Variants in ASPG observed in about 807,000 individuals in gnomAD.
ASPG encodes the protein asparaginase, also known as 60 kDa lysophospholipase.
Under a neutral mutation model 63.2 loss-of-function variants are expected in ASPG, and 53 were observed. The ratio of observed to expected loss-of-function variants is 0.84; its 90% CI spans 0.67 to 1.05. The LOEUF (loss-of-function observed/expected upper bound fraction) is 1.05, where lower values mean the gene tolerates loss of function less well. ASPG is among the 50% of genes least tolerant of loss of function. ASPG has a pLI of 0.00. For missense variants in ASPG, 741 were observed against 794.4 expected (o/e 0.93, Z 0.81); for synonymous variants, 370 against 355.0 (o/e 1.04, Z -0.48).
chr14:104,095,734 C>G, intron 4 of ASPG, 78 bp downstream of exon 4: 1 of 1,575,488 alleles, frequency 6.3e-7, no homozygotes, highest in Non-Finnish European at 8.6e-7. Flanking sequence ...TGGGCGGCCG[C>G]TGCGGGACCC....
chr14:104,092,023 G>A (rs539692440), intron 1 of ASPG, among the ~76,000 whole-genome samples: 13 of 152,210 alleles, frequency 8.5e-5, no homozygotes, highest in Non-Finnish European at 1.6e-4. Flanking sequence ...CTTGCTGTGT[G>A]CTAGGCCCTC....
chr14:104,094,791 G>T (rs1337714881), intron 3 of ASPG, among the ~76,000 whole-genome samples: 1 of 152,214 alleles, frequency 6.6e-6, no homozygotes, highest in Admixed American at 6.5e-5. Flanking sequence ...TCTCGGCTCA[G>T]GTGGCCCAGC....
chr14:104,097,867 A>G (rs2369267), intron 5 of ASPG, among the ~76,000 whole-genome samples: 17,143 of 48,734 alleles, frequency 0.35, 4,751 homozygotes, highest in East Asian at 0.56. Flanking sequence ...TGGAGGTTCT[A>G]CGTTAGAGAT....
In ASPG at chr14:104,092,638, G is replaced by T. The variant is rs2036402997; in HGVS notation, c.88G>T (p.Val30Leu). Reference sequence around the variant, plus strand: ...CACCTGGACTCTGCCTGCAGTGCTTGTGCCCGGGACGGGCCTGGCTGCCAT... The same window carrying T: ...CACCTGGACTCTGCCTGCAGTGCTTTTGCCCGGGACGGGCCTGGCTGCCAT... ...IGMRSELGVLVPGTGLAAILR... is the reference protein window; with the variant it reads ...IGMRSELGVLLPGTGLAAILR... Residue 30 changes from valine to leucine, a missense_variant, in exon 2 of 16, where the codon GTG becomes TTG. Coordinates refer to ENST00000551177, the MANE Select transcript of ASPG (RefSeq NM_001080464.3). 1.3e-6 allele frequency: 2 copies of T among 1,535,338 alleles called. No homozygotes were observed. Among genetic ancestry groups the T allele is most frequent in the Non-Finnish European group, 1.7e-6 (2 of 1,146,962 alleles).
rs2037433034 is a variant in ASPG, at chr14:104,113,928, G to T, written c.*1384G>T. ...GCCCCTGCTGTCCCCGGATGGCCGA[G>T]ACCCTTGGAGGGCCTTGGGAGAGGC... On this transcript the variant is annotated 3_prime_UTR_variant, in exon 16 of 16. Coordinates refer to ENST00000551177, the MANE Select transcript of ASPG (RefSeq NM_001080464.3). 6.6e-6 allele frequency: 1 copy of T among 152,374 alleles called. No individual in the cohort carries two copies. Among genetic ancestry groups the T allele is most frequent in the African/African-American group, 2.4e-5 (1 of 41,480 alleles). The allele number at this position is 152,374 out of a possible 1,614,324, so 9.4% of individuals were successfully genotyped here.
chr14:104,092,780 C>A, intron 2 of ASPG, 39 bp downstream of exon 2: 1 of 1,497,576 alleles, frequency 6.7e-7, no homozygotes, highest in Non-Finnish European at 9.0e-7. Flanking sequence ...CAGGGCATGG[C>A]TGCTGAGGGG....
intron 1 of ASPG, among the ~76,000 whole-genome samples, chr14:104,092,215 G>A (rs1774413151): frequency 1.3e-5 from 2 of 152,288 alleles, no homozygotes; most frequent in South Asian, 4.1e-4. Context: ...TACTGGGTGA[G>A]AAGTGGGGAC....
Position 104,104,502 on chromosome 14 carries a change from C to T in ASPG, c.936+16C>T. ...AGCTGGCATGGTAGTGCCGGGAGAT[C>T]AGGGCCTAGCGGGGAAGGGGACAGC... On this transcript the variant is annotated intron_variant, in intron 8 of 15. Coordinates refer to ENST00000551177, the MANE Select transcript of ASPG (RefSeq NM_001080464.3). 6.2e-7 allele frequency: 1 copy of T among 1,609,282 alleles called. No individual in the cohort carries two copies. Among genetic ancestry groups the T allele is most frequent in the Non-Finnish European group, 8.5e-7 (1 of 1,177,548 alleles).
At chr14:104,106,693 G>C in intron 10 of ASPG, 106 bp from the exon 11 acceptor site, 2 of 1,009,836 alleles carry the variant, frequency 2.0e-6, no homozygotes, top group Non-Finnish European at 2.9e-6. Context: ...GGGATCTGCG[G>C]GCCCTTGTGT....
chr14:104,098,023 G>C (rs113578492), intron 5 of ASPG, among the ~76,000 whole-genome samples: 555 of 41,330 alleles, frequency 0.013, 25 homozygotes, highest in Middle Eastern at 0.036. Context: ...TGGAGGTTCT[G>C]CGTTAGAGAT....
Position 104,113,009 on chromosome 14 carries a change from TC to T in ASPG, c.*469del. ...TGCGCCTTCATTCTGGAGCTTGAAG[TC>T]CCCTCCCCCAGGCAGCCCTCCAACC... On this transcript the variant is annotated 3_prime_UTR_variant, in exon 16 of 16. Coordinates refer to ENST00000551177, the MANE Select transcript of ASPG (RefSeq NM_001080464.3). The T allele has an allele frequency of 4.7e-6, 1 of 214,952 alleles. No homozygotes were observed. Among genetic ancestry groups the T allele is most frequent in the Non-Finnish European group, 9.4e-6 (1 of 106,110 alleles). 13.3% of individuals were successfully genotyped at this position (214,952 alleles called of 1,614,324 possible).
At position 104,100,872 on chromosome 14, in the gene ASPG, G is replaced by A. The variant is rs900622817; in HGVS notation, c.640+1893G>A. On this transcript the variant is annotated intron_variant, in intron 6 of 15. Transcript: ENST00000551177. ...CAGCAAGAGGTGTGGGTGGTGCCCTGCAGGCCCGGCTCCCCCATGGGGCCT... is the reference window on the plus strand; with the variant it reads ...CAGCAAGAGGTGTGGGTGGTGCCCTACAGGCCCGGCTCCCCCATGGGGCCT... Among the ~76,000 whole-genome samples, 13 of 152,216 alleles carry A rather than the reference G, an allele frequency of 8.5e-5. 1 individual carries two copies. The highest frequency in any genetic ancestry group is 3.9e-4 in the Admixed American group (6 of 15,286).
intron 3 of ASPG, among the ~76,000 whole-genome samples, chr14:104,094,902 C>A (rs1566827090): frequency 6.6e-6 from 1 of 152,020 alleles, no homozygotes; most frequent in South Asian, 2.1e-4. Context: ...CTTTTAATGG[C>A]CCCCCGGGCA....
intron 6 of ASPG, among the ~76,000 whole-genome samples, chr14:104,099,833 C>T (rs1297141337): frequency 2.0e-5 from 3 of 152,244 alleles, no homozygotes; most frequent in African/African-American, 4.8e-5. Flanking sequence ...GGTCCAGCCC[C>T]GGGGAGGCTC....
chr14:104,094,038 C>T (rs935492055), intron 3 of ASPG, among the ~76,000 whole-genome samples: 54 of 151,844 alleles, frequency 3.6e-4, no homozygotes, highest in African/African-American at 1.1e-3. Flanking sequence ...GGGGTGGAGT[C>T]GGCCTGCCCA....
chr14:104,096,087 G>A (rs1188248930), intron 4 of ASPG, among the ~76,000 whole-genome samples: 1 of 152,220 alleles, frequency 6.6e-6, no homozygotes, highest in Non-Finnish European at 1.5e-5. Context: ...CGCCCACTGT[G>A]GGTCTAGGCG....
Position 104,104,607 on chromosome 14 carries a change from G to GC in ASPG, c.937-10dup. On this transcript the variant is annotated splice_polypyrimidine_tract_variant and intron_variant, in intron 8 of 15. Transcript: ENST00000551177. The stretch of plus-strand genomic sequence containing the variant: ...GGTGAGTCGCCCTTCCTGCCCACAC[G>GC]CCCCCTCCTCACAGGCCATGGCGGG... 1 of 1,597,928 alleles carries GC rather than the reference G, an allele frequency of 6.3e-7. No homozygotes were observed. The highest frequency in any genetic ancestry group is 8.5e-7 in the Non-Finnish European group (1 of 1,170,908).
At chr14:104,093,213 G>T (rs1158247396) in intron 2 of ASPG, 1 of 555,820 alleles carries the variant, frequency 1.8e-6, no homozygotes, top group Admixed American at 3.1e-5. Context: ...CTCCTGCCTG[G>T]GGATGGCTGG....
chr14:104,104,100 C>T (rs983288469), intron 7 of ASPG, among the ~76,000 whole-genome samples: 5 of 152,216 alleles, frequency 3.3e-5, no homozygotes, highest in Non-Finnish European at 7.3e-5. Flanking sequence ...ACAGGGCGAC[C>T]CTTTGGGAGA....
Sources: gnomAD v4.1 joint callset for allele counts (sites outside exome capture counted in the v4.1 genomes callset) on GRCh38, gnomAD v4.1.1 for gene constraint, MANE v1.5 for transcripts, NCBI Gene and HGNC (gene_info 2026-07-23, HGNC 2026-07-21) for gene names.